The following CARD8 variants were observed in gnomAD, a reference collection of about 807,000 sequenced individuals.
CARD8 encodes the protein caspase recruitment domain family member 8, also known as caspase recruitment domain-containing protein 8.
A neutral mutation model predicts 53.2 loss-of-function variants in CARD8; 38 were observed. The ratio of observed to expected loss-of-function variants is 0.71; its 90% confidence interval spans 0.55 to 0.94. The LOEUF (loss-of-function observed/expected upper bound fraction) is 0.94, where lower values mean the gene tolerates loss of function less well. Ranked by LOEUF, CARD8 falls within the 40% of genes least tolerant of loss-of-function variation. CARD8 has a pLI of 0.00. For synonymous variants in CARD8, 245 were observed against 244.9 expected, an observed-to-expected ratio of 1.00 and a Z score of 0.00; for missense variants, 561 against 655.5, an observed-to-expected ratio of 0.86 and a Z score of 1.57.
chr19:48,254,843 A>C (rs1459227003), intron 1 of CARD8, among the ~76,000 whole-genome samples: 1 of 152,188 alleles, frequency 6.6e-6, no homozygotes, highest in East Asian at 1.9e-4. Context: ...ACCTTACATA[A>C]AGGTCTTCAC....
At chr19:48,223,872 G>C (rs1181436394) in intron 10 of CARD8, 1 of 456,184 alleles carries the variant, frequency 2.2e-6, no homozygotes, top group Admixed American at 2.3e-5. Flanking sequence ...ATAGTGTCTG[G>C]AATATATAAG....
intron 3 of CARD8, among the ~76,000 whole-genome samples, chr19:48,246,607 A>G (rs1125297): frequency 0.25 from 38,460 of 151,792 alleles, 5,597 homozygotes; most frequent in African/African-American, 0.4. Context: ...CATGAAATAG[A>G]AAATCAATAA....
chr19:48,223,606 G>A, intron 10 of CARD8: 1 of 298,150 alleles, frequency 3.4e-6, no homozygotes, highest in Admixed American at 4.4e-5. Context: ...GAACAGATAT[G>A]TTTAAATTAA....
intron 13 of CARD8, 83 bp downstream of exon 13, chr19:48,215,257 C>A: frequency 1.0e-6 from 1 of 981,622 alleles, no homozygotes; most frequent in Non-Finnish European, 1.6e-6. Flanking sequence ...GGTGCCATGT[C>A]ACTTGGATAC....
At chr19:48,205,387 G>A (rs898273299), downstream of CARD8, among the ~76,000 whole-genome samples, 9 of 151,820 alleles carry the variant, frequency 5.9e-5, no homozygotes, top group African/African-American at 1.9e-4. Flanking sequence ...GCACCACCAC[G>A]CCCGGCTAAT....
rs369099893 is a variant in CARD8 at position 48,230,658 on chromosome 19, T to C, written c.815A>G (p.Lys272Arg). ...ATGCTCCAGGACCATCCCTTCATTC[T>C]TAAAATGGGCAACGAGAAACCAGGA... ...DVSWFLVAHF[K>R]NEGMVLEHPA... The change falls in exon 10 of 14, where the codon AAG becomes AGG. Residue 272 changes from lysine (K) to arginine (R), a missense_variant. By Grantham distance (26) the Lys-to-Arg change is conservative. Transcript: ENST00000651546. 1.4e-5 allele frequency: 23 copies of C among 1,613,946 alleles called. No individual in the cohort carries two copies. Among genetic ancestry groups the C allele is most frequent in the Non-Finnish European group, 1.9e-5 (23 of 1,179,980 alleles).
At position 48,221,752 on chromosome 19, in the gene CARD8, GC is replaced by G; in HGVS notation, c.1138del (p.Ala380LeufsTer3). On this transcript the variant is annotated frameshift_variant, in exon 11 of 14. Transcript: ENST00000651546. LOFTEE classifies it high-confidence loss of function. ...FGSSYIVSNSANLKVMPKELK... is the reference protein window; with the variant it reads ...FGSSYIVSNSXNLKVMPKELK... Reference sequence around the variant, plus strand: ...AACCTTGGGCATTACTTTCAGGTTAGCAGAATTAGACACAATATAACTGGAA... The same window carrying G: ...AACCTTGGGCATTACTTTCAGGTTAGAGAATTAGACACAATATAACTGGAA... 1 of 1,599,130 alleles carries G rather than the reference GC, an allele frequency of 6.3e-7. No individual in the cohort carries two copies.
At chr19:48,204,260 C>T (rs758179151), downstream of CARD8, 168 of 449,658 alleles carry the variant, frequency 3.7e-4, no homozygotes, top group Non-Finnish European at 6.4e-4. Flanking sequence ...TGGAAGGAGA[C>T]GGGGATTAGA....
rs1191482073 is a variant in CARD8, at chr19:48,231,799, A to G, written c.403T>C (p.Ser135Pro). 1 of 1,613,950 alleles carries G rather than the reference A, an allele frequency of 6.2e-7. No homozygotes were observed. The highest frequency in any genetic ancestry group is 8.5e-7 in the Non-Finnish European group (1 of 1,179,912). ...SEGQDSGDICSEENQIVSSYA... is the reference protein window; with the variant it reads ...SEGQDSGDICPEENQIVSSYA... ...GAGGAAACTATTTGATTCTCTTCTG[A>G]GCAAATGTCTCCTGAAAAGAAAATA... is the stretch of plus-strand genomic sequence containing the variant. Residue 135 changes from serine (S) to proline (P), a missense_variant, in exon 8 of 14, where the codon TCA (serine) becomes CCA (proline). Transcript: ENST00000651546.
At chr19:48,253,562 G>A (rs1014382598) in intron 1 of CARD8, among the ~76,000 whole-genome samples, 2 of 152,048 alleles carry the variant, frequency 1.3e-5, no homozygotes, top group Non-Finnish European at 2.9e-5. Flanking sequence ...CATCTTACAG[G>A]GGATAAACCC....
intron 10 of CARD8, among the ~76,000 whole-genome samples, chr19:48,228,890 G>A (rs986841689): frequency 5.3e-5 from 8 of 152,276 alleles, no homozygotes; most frequent in Admixed American, 2.6e-4. Context: ...TGTAATCCCA[G>A]AACTTCGGGA....
chr19:48,218,362 T>C lies in CARD8; in HGVS notation c.1303+509A>G, dbSNP rs935370012. Among the ~76,000 whole-genome samples the C allele has an allele frequency of 2.9e-3, 148 of 51,196 alleles. 1 individual carries two copies. The highest frequency in any genetic ancestry group is 5.1e-3 in the African/African-American group (134 of 26,032). 33.6% of individuals were successfully genotyped at this position (51,196 alleles called of 152,430 possible). A position where few individuals can be genotyped will look rare whatever the true frequency, so the allele number is the denominator to read the frequency against. ...AGCTATTTATCTTCTTCTTTTTTTT[T>C]TTTTTTTTTTTTCAGATGGAGTTTC... On this transcript the variant is annotated intron_variant, in intron 12 of 13. Coordinates refer to ENST00000651546, the MANE Select transcript of CARD8 (RefSeq NM_001184900.3).
chr19:48,243,922 T>C (rs1480577542), intron 3 of CARD8, among the ~76,000 whole-genome samples: 2 of 152,286 alleles, frequency 1.3e-5, no homozygotes, highest in African/African-American at 4.8e-5. Flanking sequence ...TAACTTTCTA[T>C]AGGATTAAGT....
chr19:48,209,877 G>A lies in CARD8; in HGVS notation c.*1833C>T, dbSNP rs2037728243. On this transcript the variant is annotated 3_prime_UTR_variant, in exon 14 of 14. Transcript: ENST00000651546. ...ATTCTTTCAAAATTCTTATTTTGAA[G>A]GCCTTCTGGGCATATAAGCTATTGG... 1 of 152,266 alleles carries A rather than the reference G, an allele frequency of 6.6e-6. No homozygotes were observed. The highest frequency in any genetic ancestry group is 1.5e-5 in the Non-Finnish European group (1 of 68,026). The allele number at this position is 152,266 out of a possible 1,614,324, so 9.4% of individuals were successfully genotyped here.
intron 5 of CARD8, among the ~76,000 whole-genome samples, chr19:48,235,268 T>C (rs1472340026): frequency 6.6e-6 from 1 of 152,116 alleles, no homozygotes; most frequent in African/African-American, 2.4e-5. Context: ...AGTGATGGAG[T>C]GTCCTTTATG....
chr19:48,230,568 A>AGCT lies in CARD8; in HGVS notation c.904_905insAGC (p.Ile301_Leu302insGln), dbSNP rs1172371905. The AGCT allele has an allele frequency of 1.9e-6, 3 of 1,614,082 alleles. No individual in the cohort carries two copies. In the African/African-American group the frequency reaches 4.0e-5, roughly 22 times the overall value. On this transcript the variant is annotated inframe_insertion, in exon 10 of 14. Coordinates refer to ENST00000651546, the MANE Select transcript of CARD8 (RefSeq NM_001184900.3). ...GCGAGTCCCACTGGCGATCCGCAGC[A>AGCT]GGATGCCCATCAGAGAGAAGCTGGG...
chr19:48,229,286 T>C (rs1485701709), intron 10 of CARD8, among the ~76,000 whole-genome samples: 1 of 151,920 alleles, frequency 6.6e-6, no homozygotes, highest in Non-Finnish European at 1.5e-5. Flanking sequence ...TTCTAGTATA[T>C]CAATAAGGTA....
chr19:48,255,537 A>T (rs1432326261), intron 1 of CARD8: 1 of 152,138 alleles, frequency 6.6e-6, no homozygotes, highest in African/African-American at 2.4e-5. Context: ...AGTGTGAGAG[A>T]GATTATTAAG....
At chr19:48,232,024 C>A in intron 7 of CARD8, 1 of 653,372 alleles carries the variant, frequency 1.5e-6, no homozygotes, top group Non-Finnish European at 2.8e-6. Flanking sequence ...CACCAAATTC[C>A]ATAAGACTTT....
Sources: allele counts gnomAD v4.1 joint callset (sites outside exome capture counted in the v4.1 genomes callset), GRCh38; gene constraint gnomAD v4.1.1; transcripts MANE v1.5; gene names NCBI Gene and HGNC (gene_info 2026-07-23, HGNC 2026-07-21).